NTN1: variants seen among roughly 807,000 people sequenced by gnomAD.
NTN1 encodes the protein netrin-1.
NTN1 carries 11 observed loss-of-function variants against 54.2 expected under a neutral mutation model. The observed-to-expected ratio is 0.20, with a 90% CI of 0.13 to 0.34. NTN1 has a LOEUF of 0.34. Among genes scored for constraint, NTN1 ranks in the 10% least tolerant of loss-of-function variants. The probability of loss-of-function intolerance (pLI) is 1.00; values close to 1 mark genes in which losing one functional copy is unlikely to be tolerated. For synonymous variants in NTN1, 371 were observed against 382.0 expected, an observed-to-expected ratio of 0.97 and a Z score of 0.33; for missense variants, 740 against 893.1, an observed-to-expected ratio of 0.83 and a Z score of 2.18.
chr17:9,186,055 C>T (rs149491179), intron 5 of NTN1, among the ~76,000 whole-genome samples: 10 of 152,144 alleles, frequency 6.6e-5, no homozygotes, highest in South Asian at 2.1e-4. Flanking sequence ...GTTCTCGGTC[C>T]GCCCCTGAGG....
chr17:9,152,407 T>TG (rs1276913893), intron 2 of NTN1, among the ~76,000 whole-genome samples: 2 of 152,148 alleles, frequency 1.3e-5, no homozygotes, highest in Non-Finnish European at 2.9e-5. Flanking sequence ...AAGACCCAGG[T>TG]GGTCATCAGT....
intron 2 of NTN1, among the ~76,000 whole-genome samples, chr17:9,091,609 A>G (rs1477775610): frequency 1.3e-5 from 2 of 151,524 alleles, no homozygotes; most frequent in East Asian, 3.9e-4. Flanking sequence ...ATGTGCCACC[A>G]CGCCCGGCTG....
At chr17:9,129,161 G>A (rs2092256131) in intron 2 of NTN1, among the ~76,000 whole-genome samples, 1 of 152,144 alleles carries the variant, frequency 6.6e-6, no homozygotes, top group African/African-American at 2.4e-5. Flanking sequence ...TCAGACCTGA[G>A]GAAATTGAAA....
At chr17:9,185,217 C>T (rs528137989) in intron 5 of NTN1, among the ~76,000 whole-genome samples, 7 of 152,190 alleles carry the variant, frequency 4.6e-5, no homozygotes, top group South Asian at 4.2e-4. Flanking sequence ...AGTGCTGGAC[C>T]GTGGGGCCTC....
At chr17:9,046,119 T>C (rs2091940604) in intron 2 of NTN1, among the ~76,000 whole-genome samples, 1 of 152,168 alleles carries the variant, frequency 6.6e-6, no homozygotes, top group Non-Finnish European at 1.5e-5. Flanking sequence ...ACCCATGGGA[T>C]GGGGGAAAAT....
chr17:9,086,402 G>T (rs1206657159), intron 2 of NTN1, among the ~76,000 whole-genome samples: 1 of 152,138 alleles, frequency 6.6e-6, no homozygotes. Flanking sequence ...TGAAGCCTCT[G>T]TCTCATGCTA....
chr17:9,175,947 C>A (rs1006828084), intron 3 of NTN1: 1 of 152,214 alleles, frequency 6.6e-6, no homozygotes, highest in Non-Finnish European at 1.5e-5. Flanking sequence ...AAGGGATTGA[C>A]CTCCCTCTGA....
intron 2 of NTN1, among the ~76,000 whole-genome samples, chr17:9,029,023 G>T (rs1174510676): frequency 6.6e-6 from 1 of 151,988 alleles, no homozygotes; most frequent in Non-Finnish European, 1.5e-5. Context: ...GTCTCGGAGG[G>T]CTTTTGAAAT....
chr17:9,023,370 C>T lies in NTN1; in HGVS notation c.997C>T (p.Arg333Cys). 1.4e-6 allele frequency: 2 copies of T among 1,477,406 alleles called. No individual in the cohort carries two copies. Among genetic ancestry groups the T allele is most frequent in the Non-Finnish European group, 1.8e-6 (2 of 1,114,312 alleles). The allele number at this position is 1,477,406 out of a possible 1,614,324, so 91.5% of individuals were successfully genotyped here. ...CCGGCCCTGGCAGCGCGCCACAGCC[C>T]GCGAAGCCAACGAGTGCGTGGGTGA... ...YDRPWQRATA[R>C]EANECVACNC... is the part of the protein sequence containing the mutation. Residue 333 changes from arginine to cysteine, a missense_variant, in exon 2 of 7, where the codon CGC becomes TGC. Arg to Cys is a radical substitution (Grantham distance 180). Transcript: ENST00000173229.
At chr17:9,066,598 A>G (rs2092015688) in intron 2 of NTN1, among the ~76,000 whole-genome samples, 1 of 152,226 alleles carries the variant, frequency 6.6e-6, no homozygotes, top group Non-Finnish European at 1.5e-5. Flanking sequence ...ACTGCACTCC[A>G]GCCTGGGCGA....
At chr17:9,037,275 A>C (rs2091906414) in intron 2 of NTN1, among the ~76,000 whole-genome samples, 1 of 152,214 alleles carries the variant, frequency 6.6e-6, no homozygotes, top group East Asian at 1.9e-4. Context: ...AGTCTTAAAC[A>C]TAACTTTTCC....
intron 2 of NTN1, among the ~76,000 whole-genome samples, chr17:9,119,088 A>G (rs956857576): frequency 2.6e-5 from 4 of 152,214 alleles, no homozygotes; most frequent in African/African-American, 9.6e-5. Flanking sequence ...GGCTGTAACC[A>G]TCTTATGTTC....
At chr17:9,205,062 T>C (rs1164745252) in intron 5 of NTN1, among the ~76,000 whole-genome samples, 3 of 152,202 alleles carry the variant, frequency 2.0e-5, no homozygotes, top group African/African-American at 4.8e-5. Context: ...CCAGAACTTA[T>C]CTGCCATTTG....
At chr17:9,126,639 G>A (rs1163667601) in intron 2 of NTN1, among the ~76,000 whole-genome samples, 5 of 152,222 alleles carry the variant, frequency 3.3e-5, no homozygotes, top group Admixed American at 2.0e-4. Context: ...CTCTGGCTCA[G>A]TGTGGCTGTT....
At chr17:9,038,074 T>G (rs2091908530) in intron 2 of NTN1, among the ~76,000 whole-genome samples, 1 of 152,164 alleles carries the variant, frequency 6.6e-6, no homozygotes, top group African/African-American at 2.4e-5. Flanking sequence ...GAGTCTGGGC[T>G]TGAGATAGGC....
rs1216377621 is a variant in NTN1, at chr17:9,239,229, G to A, written c.1487-411G>A. On this transcript the variant is annotated intron_variant, in intron 6 of 6. Transcript: ENST00000173229. This position sits in a 1 kb window ranked among gnomAD's most constrained non-coding sequence, Gnocchi z 5.2. Reference sequence around the variant, plus strand: ...GGAGTGTCATGAGGGCTGGTGTAAAGTGACTTGGGCCTTTGGAGAAGCGCA... The same window carrying A: ...GGAGTGTCATGAGGGCTGGTGTAAAATGACTTGGGCCTTTGGAGAAGCGCA... Among the ~76,000 whole-genome samples, 1 of 152,236 alleles carries A rather than the reference G, an allele frequency of 6.6e-6. No individual in the cohort carries two copies. The highest frequency in any genetic ancestry group is 1.5e-5 in the Non-Finnish European group (1 of 68,042).
At chr17:9,139,329 G>A (rs1274368823) in intron 2 of NTN1, among the ~76,000 whole-genome samples, 1 of 152,178 alleles carries the variant, frequency 6.6e-6, no homozygotes, top group Non-Finnish European at 1.5e-5. Flanking sequence ...GTGTAAAGTG[G>A]GCAGAATGAG....
chr17:9,053,245 C>G (rs2091966690), intron 2 of NTN1, among the ~76,000 whole-genome samples: 1 of 152,204 alleles, frequency 6.6e-6, no homozygotes, highest in Non-Finnish European at 1.5e-5. Flanking sequence ...TTATCTGGCT[C>G]TTTACAGAAA....
intron 2 of NTN1, among the ~76,000 whole-genome samples, chr17:9,115,809 G>A (rs76182876): frequency 0.022 from 3,419 of 152,352 alleles, 132 homozygotes; most frequent in African/African-American, 0.078. Flanking sequence ...GTCTTGGCCG[G>A]CCGTGCGCGG....
Sources: allele counts gnomAD v4.1 joint callset (sites outside exome capture counted in the v4.1 genomes callset), GRCh38; gene constraint gnomAD v4.1.1; non-coding constraint Gnocchi (gnomAD v3.1); transcripts MANE v1.5; gene names NCBI Gene and HGNC (gene_info 2026-07-23, HGNC 2026-07-21).